The following IMMP2L variants were observed in gnomAD, a reference collection of about 807,000 sequenced individuals.
The protein encoded by IMMP2L is inner mitochondrial membrane peptidase subunit 2.
In IMMP2L, 18 loss-of-function variants were observed where a neutral mutation model predicts 19.3. The observed-to-expected ratio is 0.93, with a 90% CI of 0.64 to 1.38. The LOEUF (loss-of-function observed/expected upper bound fraction) is 1.38. Ranked by LOEUF, IMMP2L falls within the 40% of genes most tolerant of loss-of-function variation. The pLI is 0.00. For missense variants in IMMP2L, 233 were observed against 218.2 expected, an observed-to-expected ratio of 1.07 and a Z score of -0.43; for synonymous variants, 76 against 73.0, an observed-to-expected ratio of 1.04 and a Z score of -0.21.
At position 111,415,362 on chromosome 7, in the gene IMMP2L, C is replaced by T. The variant is rs1175543266; in HGVS notation, c.239+71876G>A. Among the ~76,000 whole-genome samples, 3 of 151,704 alleles carry T rather than the reference C, an allele frequency of 2.0e-5. No individual in the cohort carries two copies. The East Asian group carries it at 5.8e-4, about 29-fold the overall frequency. On this transcript the variant is annotated intron_variant, in intron 3 of 5. Coordinates refer to ENST00000405709, the MANE Select transcript of IMMP2L (RefSeq NM_032549.4). ...AGATGAGATTATAGCCCAGGGGAGA[C>T]CTTGACTTTAGTATATAAGAACTTG...
At chr7:111,499,837 G>C (rs1843988086) in intron 2 of IMMP2L, among the ~76,000 whole-genome samples, 1 of 152,022 alleles carries the variant, frequency 6.6e-6, no homozygotes, top group Non-Finnish European at 1.5e-5. Context: ...AGCCAAGATG[G>C]CCAAATAGGA....
intron 5 of IMMP2L, among the ~76,000 whole-genome samples, chr7:110,669,545 A>C (rs879754055): frequency 6.6e-6 from 1 of 152,140 alleles, no homozygotes; most frequent in Non-Finnish European, 1.5e-5. Context: ...ATTCACCATC[A>C]CACTTGACAT....
chr7:111,227,748 G>A (rs1043695892), intron 3 of IMMP2L, among the ~76,000 whole-genome samples: 2 of 152,068 alleles, frequency 1.3e-5, no homozygotes, highest in Non-Finnish European at 1.5e-5. Flanking sequence ...TTGGTCAAAT[G>A]TACTATCTTT....
At chr7:111,544,954 A>G (rs1345420212) in intron 1 of IMMP2L, among the ~76,000 whole-genome samples, 1 of 151,982 alleles carries the variant, frequency 6.6e-6, no homozygotes, top group Non-Finnish European at 1.5e-5. Context: ...CCAAAACCCA[A>G]ACTAAGACAA....
Position 111,480,344 on chromosome 7 carries a change from T to A in IMMP2L, c.239+6894A>T, listed in dbSNP as rs921561260. Among the ~76,000 whole-genome samples the A allele has an allele frequency of 3.9e-5, 6 of 152,124 alleles. No individual in the cohort carries two copies. The East Asian group carries it at 1.2e-3, about 29-fold the overall frequency. ...ATCCACCTGCCTCAGCCTCCCAAAG[T>A]GCTGAGATTACAGGCGTGAGCCACT... On this transcript the variant is annotated intron_variant, in intron 3 of 5. Transcript: ENST00000405709.
At chr7:111,138,502 G>A (rs1025084621) in intron 3 of IMMP2L, among the ~76,000 whole-genome samples, 1 of 152,086 alleles carries the variant, frequency 6.6e-6, no homozygotes, top group South Asian at 2.1e-4. Context: ...TATTACATAG[G>A]CAATATAATT....
At chr7:111,089,837 T>G (rs1487585409) in intron 3 of IMMP2L, among the ~76,000 whole-genome samples, 4 of 152,050 alleles carry the variant, frequency 2.6e-5, no homozygotes, top group Admixed American at 2.6e-4. Flanking sequence ...TATTCAGTAT[T>G]TAAAGACAAG....
intron 3 of IMMP2L, among the ~76,000 whole-genome samples, chr7:111,100,624 T>G (rs1797872368): frequency 6.6e-6 from 1 of 151,068 alleles, no homozygotes; most frequent in African/African-American, 2.4e-5. Context: ...GATTTTCTAC[T>G]TAAACATTCT....
At chr7:110,880,674 G>A (rs940316000) in intron 5 of IMMP2L, among the ~76,000 whole-genome samples, 1 of 151,674 alleles carries the variant, frequency 6.6e-6, no homozygotes, top group African/African-American at 2.4e-5. Context: ...TAAAATAAAG[G>A]CTTCAACCTC....
intron 3 of IMMP2L, among the ~76,000 whole-genome samples, chr7:111,088,108 G>A (rs1199813098): frequency 1.3e-5 from 2 of 151,914 alleles, no homozygotes; most frequent in Non-Finnish European, 2.9e-5. Flanking sequence ...GACTGTCCAG[G>A]CTACTTTTCT....
chr7:110,837,486 T>C (rs970003133), intron 5 of IMMP2L, among the ~76,000 whole-genome samples: 2 of 152,130 alleles, frequency 1.3e-5, no homozygotes, highest in African/African-American at 4.8e-5. Context: ...AGGACTACTA[T>C]GCTGCAGATG....
intron 3 of IMMP2L, among the ~76,000 whole-genome samples, chr7:111,235,040 T>A (rs1456781025): frequency 6.6e-6 from 1 of 152,188 alleles, no homozygotes; most frequent in East Asian, 1.9e-4. Flanking sequence ...TGATAACATT[T>A]TTCTTCTGTC....
rs1376639715 is a variant in IMMP2L at position 111,233,111 on chromosome 7, T to TAA, written c.239+254125_239+254126dup. Among the ~76,000 whole-genome samples the TAA allele has an allele frequency of 2.0e-5, 3 of 152,108 alleles. No homozygotes were observed. In the East Asian group the frequency reaches 5.8e-4, roughly 29 times the overall value. Reference sequence around the variant, plus strand: ...AACCTAACTCATCTTAGATGCTCAATAAATGTCTGCTAGATGAATGTACAC... The same window carrying TAA: ...AACCTAACTCATCTTAGATGCTCAATAAAAATGTCTGCTAGATGAATGTACAC... On this transcript the variant is annotated intron_variant, in intron 3 of 5. Coordinates refer to ENST00000405709, the MANE Select transcript of IMMP2L (RefSeq NM_032549.4).
chr7:110,782,464 T>A (rs747841127), intron 5 of IMMP2L, among the ~76,000 whole-genome samples: 1 of 151,920 alleles, frequency 6.6e-6, no homozygotes, highest in Non-Finnish European at 1.5e-5. Context: ...TGCAGCCTTA[T>A]TGGTAGAGGT....
chr7:110,800,325 C>T (rs899606335), intron 5 of IMMP2L, among the ~76,000 whole-genome samples: 1 of 152,174 alleles, frequency 6.6e-6, no homozygotes, highest in African/African-American at 2.4e-5. Context: ...AAGCTCCCCT[C>T]CCGCCCAAAG....
intron 3 of IMMP2L, among the ~76,000 whole-genome samples, chr7:111,041,904 T>C (rs146865305): frequency 8.5e-5 from 13 of 152,288 alleles, no homozygotes; most frequent in African/African-American, 2.4e-4. Flanking sequence ...AGTCTACCAG[T>C]TGTGTGAACT....
chr7:110,734,724 CAAACA>C (rs1223824393), intron 5 of IMMP2L, among the ~76,000 whole-genome samples: 4 of 11,772 alleles, frequency 3.4e-4, no homozygotes, highest in Non-Finnish European at 6.9e-4. Flanking sequence ...TTGTTTCAAA[CAAACA>C]AACAAACAAA....
At chr7:111,087,330 T>A (rs986368091) in intron 3 of IMMP2L, among the ~76,000 whole-genome samples, 2 of 151,762 alleles carry the variant, frequency 1.3e-5, no homozygotes, top group Admixed American at 1.3e-4. Context: ...GCGCCTATAG[T>A]CCCAGCTACC....
At chr7:110,844,312 A>G (rs1414584969) in intron 5 of IMMP2L, among the ~76,000 whole-genome samples, 1 of 152,154 alleles carries the variant, frequency 6.6e-6, no homozygotes, top group African/African-American at 2.4e-5. Context: ...GGCATGTACA[A>G]AATGCTAAAG....
Sources: gnomAD v4.1 joint callset for allele counts (sites outside exome capture counted in the v4.1 genomes callset) on GRCh38, gnomAD v4.1.1 for gene constraint, MANE v1.5 for transcripts, NCBI Gene and HGNC (gene_info 2026-07-23, HGNC 2026-07-21) for gene names.